ZNF800: variants seen among roughly 807,000 people sequenced by gnomAD.
The protein encoded by ZNF800 is zinc finger protein 800.
Under a neutral mutation model 59.5 loss-of-function variants are expected in ZNF800, and 13 were observed. That is an observed-to-expected ratio of 0.22 (90% confidence interval 0.14 to 0.35). The LOEUF (loss-of-function observed/expected upper bound fraction) is 0.35. ZNF800 is among the 10% of genes least tolerant of loss of function. The pLI is 1.00. For missense variants in ZNF800, 621 were observed against 783.7 expected (o/e 0.79, Z 2.48); for synonymous variants, 266 against 265.7 (o/e 1.00, Z -0.01).
chr7:127,367,498 T>C (rs556066031), downstream of ZNF800, among the ~76,000 whole-genome samples: 1 of 152,236 alleles, frequency 6.6e-6, no homozygotes, highest in Non-Finnish European at 1.5e-5. Flanking sequence ...TTCATAGAGT[T>C]GTTGGTAGGA....
At chr7:127,382,402 T>C (rs1016501700) in intron 3 of ZNF800, among the ~76,000 whole-genome samples, 1 of 152,210 alleles carries the variant, frequency 6.6e-6, no homozygotes, top group African/African-American at 2.4e-5. Flanking sequence ...TTATCTGCTA[T>C]TTAAAATTTT....
intron 1 of ZNF800, among the ~76,000 whole-genome samples, chr7:127,351,719 A>C (rs2095431968): frequency 6.6e-6 from 1 of 152,210 alleles, no homozygotes; most frequent in Non-Finnish European, 1.5e-5. Context: ...TGGACTTTTC[A>C]ATCACAACCT....
intron 2 of ZNF800, among the ~76,000 whole-genome samples, chr7:127,391,005 G>A (rs530480550): frequency 2.4e-4 from 36 of 152,234 alleles, no homozygotes; most frequent in African/African-American, 8.4e-4. Flanking sequence ...TAAAGGTTGC[G>A]CTTAGCAAAA....
At chr7:127,387,786 G>C (rs547887160) in intron 2 of ZNF800, among the ~76,000 whole-genome samples, 3 of 152,040 alleles carry the variant, frequency 2.0e-5, no homozygotes, top group Non-Finnish European at 2.9e-5. Flanking sequence ...GTTTGAGCCC[G>C]GGAGGCAGAG....
rs749750200 is a variant in ZNF800, at chr7:127,373,977, T to C, written c.1359A>G (p.Gln453=). 6.2e-7 allele frequency: 1 copy of C among 1,613,734 alleles called. No individual in the cohort carries two copies. Among genetic ancestry groups the C allele is most frequent in the African/African-American group, 1.3e-5 (1 of 74,834 alleles). The change falls in exon 5 of 6, where the codon CAA becomes CAG. Residue 453 remains glutamine, a synonymous_variant. Coordinates refer to ENST00000265827, the MANE Select transcript of ZNF800 (RefSeq NM_176814.5). Reference sequence around the variant, plus strand: ...TAGTTGATTTAGGGCTTTCAGAGTCTTGTTTAACTTTATTTTTCTGTGCTG... The same window carrying C: ...TAGTTGATTTAGGGCTTTCAGAGTCCTGTTTAACTTTATTTTTCTGTGCTG... ...TPAAQKNKVK[Q]DSESPKSTSP...
intron 1 of ZNF800, among the ~76,000 whole-genome samples, chr7:127,358,026 C>T (rs1800308481): frequency 2.0e-5 from 3 of 151,974 alleles, no homozygotes; most frequent in Middle Eastern, 3.2e-3. Flanking sequence ...GCTTCAACAA[C>T]TACATGAATA....
chr7:127,348,200 G>A (rs1408049513), intron 1 of ZNF800, among the ~76,000 whole-genome samples: 1 of 152,138 alleles, frequency 6.6e-6, no homozygotes, highest in African/African-American at 2.4e-5. Flanking sequence ...TGCCAAGAGA[G>A]AAAACTGCGG....
At chr7:127,383,887 TAACTC>T (rs1801049571) in intron 3 of ZNF800, among the ~76,000 whole-genome samples, 1 of 152,042 alleles carries the variant, frequency 6.6e-6, no homozygotes, top group African/African-American at 2.4e-5. Context: ...AAATAAAAAA[TAACTC>T]AAAAGGCAAA....
chr7:127,348,288 T>C (rs887487305), intron 1 of ZNF800, among the ~76,000 whole-genome samples: 7 of 151,956 alleles, frequency 4.6e-5, no homozygotes, highest in African/African-American at 1.7e-4. Context: ...TCAAAACCCT[T>C]AAATGTCTGA....
chr7:127,372,006 C>T (rs1348286325), intron 5 of ZNF800, among the ~76,000 whole-genome samples, 192 bp from the exon 6 acceptor site: 1 of 152,114 alleles, frequency 6.6e-6, no homozygotes, highest in East Asian at 1.9e-4. Flanking sequence ...TGCTTTAGAA[C>T]CTGAATCTGA....
chr7:127,374,305 C>G lies in ZNF800; in HGVS notation c.1031G>C (p.Arg344Pro), dbSNP rs185919121. The change falls in exon 5 of 6, where the codon CGA becomes CCA. Residue 344 changes from arginine to proline, a missense_variant. Physicochemically the swap from Arg to Pro is moderately radical, Grantham distance 103. Around this residue, in one of 7 missense-constraint regions of ZNF800, gnomAD observed 185 missense variants for 177.6 expected, o/e 1.04. Coordinates refer to ENST00000265827, the MANE Select transcript of ZNF800 (RefSeq NM_176814.5). Reference protein sequence around the residue: ...SISPKKSFKTRKQKSSSKAEY... With the variant: ...SISPKKSFKTPKQKSSSKAEY... ...AGCCTTTGAAGAAGACTTTTGTTTT[C>G]GAGTCTTAAAAGATTTTTTAGGAGA... 1 of 1,613,014 alleles carries G rather than the reference C, an allele frequency of 6.2e-7. No individual in the cohort carries two copies. The highest frequency in any genetic ancestry group is 1.3e-5 in the African/African-American group (1 of 74,900).
downstream of ZNF800, among the ~76,000 whole-genome samples, chr7:127,367,604 T>C (rs1800539828): frequency 6.6e-6 from 1 of 151,542 alleles, no homozygotes. Flanking sequence ...CTAAGAATTA[T>C]CTTTCTTTTT....
chr7:127,377,339 A>G lies in ZNF800; in HGVS notation c.158-10T>C. ...TTAAGTTGTTTAGTTCCTGAGAGAAAAAAGAAAAGAAAAACTTAACACAAA... is the reference window on the plus strand; with the variant it reads ...TTAAGTTGTTTAGTTCCTGAGAGAAGAAAGAAAAGAAAAACTTAACACAAA... On this transcript the variant is annotated splice_polypyrimidine_tract_variant and intron_variant, in intron 3 of 5. Coordinates refer to ENST00000265827, the MANE Select transcript of ZNF800 (RefSeq NM_176814.5). The surrounding 1 kb of genome is among the most constrained non-coding windows in gnomAD (Gnocchi z 4.7). 1 of 1,579,792 alleles carries G rather than the reference A, an allele frequency of 6.3e-7. No individual in the cohort carries two copies. The highest frequency in any genetic ancestry group is 1.2e-5 in the South Asian group (1 of 85,936).
chr7:127,352,544 T>C (rs1419395), intron 1 of ZNF800, among the ~76,000 whole-genome samples: 102,189 of 152,120 alleles, frequency 0.67, 35,182 homozygotes, highest in East Asian at 0.88. Flanking sequence ...TTACTGACAC[T>C]GGTTGCTGAG....
intron 1 of ZNF800, chr7:127,351,285 C>T (rs1254764487): frequency 6.6e-6 from 1 of 152,234 alleles, no homozygotes; most frequent in South Asian, 2.1e-4. Context: ...CAAATCCTGT[C>T]CATCTCTCAA....
chr7:127,356,611 A>G (rs1233307738), intron 1 of ZNF800, among the ~76,000 whole-genome samples: 1 of 152,024 alleles, frequency 6.6e-6, no homozygotes, highest in Non-Finnish European at 1.5e-5. Flanking sequence ...GGAAACAGGT[A>G]AAAGTTTATG....
downstream of ZNF800, among the ~76,000 whole-genome samples, chr7:127,367,385 G>GT (rs1323583644): frequency 6.6e-6 from 1 of 151,816 alleles, no homozygotes; most frequent in Admixed American, 6.6e-5. Context: ...GATGACTAGT[G>GT]TAAGTTTCTT....
downstream of ZNF800, among the ~76,000 whole-genome samples, chr7:127,345,902 G>C (rs1800054557): frequency 6.6e-6 from 1 of 152,114 alleles, no homozygotes; most frequent in Non-Finnish European, 1.5e-5. Flanking sequence ...CTGAGAGATG[G>C]TTCACAGATG....
At chr7:127,372,212 C>G (rs1255831960) in intron 5 of ZNF800, among the ~76,000 whole-genome samples, 1 of 152,074 alleles carries the variant, frequency 6.6e-6, no homozygotes, top group Non-Finnish European at 1.5e-5. Context: ...GGCACGGTGG[C>G]TCATGCCTGT....
Sources: allele counts gnomAD v4.1 joint callset (sites outside exome capture counted in the v4.1 genomes callset), GRCh38; gene constraint gnomAD v4.1.1; regional missense constraint gnomAD v4.1.1; non-coding constraint Gnocchi (gnomAD v3.1); transcripts MANE v1.5; gene names NCBI Gene and HGNC (gene_info 2026-07-23, HGNC 2026-07-21).